Variants in LIPN observed in about 807,000 individuals in gnomAD.
The protein encoded by LIPN is lipase family member N, also known as lipase member N.
In LIPN, 32 loss-of-function variants were observed where a neutral mutation model predicts 43.7. The ratio of observed to expected loss-of-function variants is 0.73; its 90% confidence interval spans 0.55 to 0.98. LIPN has a LOEUF of 0.98. Ranked by LOEUF, LIPN falls within the 50% of genes least tolerant of loss-of-function variation. LIPN has a pLI of 0.00. For synonymous variants in LIPN, 156 were observed against 157.6 expected (o/e 0.99, Z 0.08); for missense variants, 505 against 483.8 (o/e 1.04, Z -0.41).
chr10:88,768,596 T>C (rs897735149), intron 5 of LIPN, among the ~76,000 whole-genome samples, 196 bp from the exon 6 acceptor site: 2 of 151,728 alleles, frequency 1.3e-5, no homozygotes, highest in Admixed American at 1.3e-4. Flanking sequence ...ATAAATAGAA[T>C]AAAATAAAAT....
rs971009647 is a variant in LIPN at position 88,771,133 on chromosome 10, T to A, written c.819+142T>A. ...ACAGATTTTTTTTTGCTTTTAAAAA[T>A]GTTTATGGGTATATAATAGTTGTAC... On this transcript the variant is annotated intron_variant, in intron 7 of 9. Coordinates refer to ENST00000404459, the MANE Select transcript of LIPN (RefSeq NM_001102469.2). The A allele has an allele frequency of 7.9e-6, 5 of 629,128 alleles. No homozygotes were observed. The South Asian group carries it at 1.3e-4, about 17-fold the overall frequency. 39.0% of individuals were successfully genotyped at this position (629,128 alleles called of 1,614,324 possible). A position where few individuals can be genotyped will look rare whatever the true frequency, so the allele number is the denominator to read the frequency against.
At chr10:88,776,130 C>T (rs959321937) in intron 9 of LIPN, among the ~76,000 whole-genome samples, 2 of 151,728 alleles carry the variant, frequency 1.3e-5, no homozygotes, top group South Asian at 4.1e-4. Flanking sequence ...AAATATAGGA[C>T]GTTTATATCA....
upstream of LIPN, among the ~76,000 whole-genome samples, chr10:88,757,348 G>A (rs1842938472): frequency 6.6e-6 from 1 of 152,080 alleles, no homozygotes. Flanking sequence ...TCACAAACAC[G>A]GATGGTCCTG....
At chr10:88,776,415 A>T (rs1843297153) in intron 9 of LIPN, among the ~76,000 whole-genome samples, 1 of 152,104 alleles carries the variant, frequency 6.6e-6, no homozygotes, top group Non-Finnish European at 1.5e-5. Flanking sequence ...ATCAACACGC[A>T]CATTCAAGAT....
chr10:88,768,107 T>C (rs1843142109), intron 5 of LIPN, among the ~76,000 whole-genome samples: 1 of 151,242 alleles, frequency 6.6e-6, no homozygotes, highest in Non-Finnish European at 1.5e-5. Context: ...CCAAATTATA[T>C]GGATATTCTC....
chr10:88,766,131 A>C lies in LIPN; in HGVS notation c.426-138A>C, dbSNP rs1590175914. 1.3e-5 allele frequency: 8 copies of C among 604,220 alleles called. No homozygotes were observed. In the East Asian group the frequency reaches 2.0e-4, roughly 15 times the overall value. The allele number at this position is 604,220 out of a possible 1,614,324, so 37.4% of individuals were successfully genotyped here. A position where few individuals can be genotyped will look rare whatever the true frequency, so the allele number is the denominator to read the frequency against. The stretch of plus-strand genomic sequence containing the variant: ...CAAAAAGCTACAATAGCCTACATAT[A>C]ATTGGATAAATAATGAAATACACAT... On this transcript the variant is annotated intron_variant, in intron 4 of 9. Coordinates refer to ENST00000404459, the MANE Select transcript of LIPN (RefSeq NM_001102469.2).
chr10:88,771,337 A>T (rs1843205403), intron 7 of LIPN, among the ~76,000 whole-genome samples: 2 of 151,696 alleles, frequency 1.3e-5, no homozygotes, highest in South Asian at 4.1e-4. Flanking sequence ...TAGTCATCCT[A>T]TTGTGCATGC....
chr10:88,763,517 G>A (rs944973934), intron 3 of LIPN, among the ~76,000 whole-genome samples: 3 of 152,144 alleles, frequency 2.0e-5, no homozygotes, highest in South Asian at 2.1e-4. Context: ...TCAACAATAT[G>A]AGATGGGTAC....
At position 88,768,808 on chromosome 10, in the gene LIPN, C is replaced by T. The variant is rs1843155005; in HGVS notation, c.552C>T (p.Ser184=). ...TTCTCTCAGGGTTTGTAGCCTTTTCCACCATGCCTGAACTGGCACAAAGAA... is the reference window on the plus strand; with the variant it reads ...TTCTCTCAGGGTTTGTAGCCTTTTCTACCATGCCTGAACTGGCACAAAGAA... The part of the protein sequence containing the change: ...LGTTIGFVAF[S]TMPELAQRIK... Residue 184 remains serine (S), a synonymous_variant, in exon 6 of 10, where the codon TCC becomes TCT. Transcript: ENST00000404459. The T allele has an allele frequency of 1.2e-6, 2 of 1,611,054 alleles. No homozygotes were observed. The highest frequency in any genetic ancestry group is 1.7e-6 in the Non-Finnish European group (2 of 1,178,260).
chr10:88,758,272 G>A (rs1842951010), upstream of LIPN, among the ~76,000 whole-genome samples: 1 of 151,400 alleles, frequency 6.6e-6, no homozygotes, highest in African/African-American at 2.4e-5. Context: ...GTTAGCTTAG[G>A]CCGTAATATG....
At chr10:88,771,394 C>T (rs566889996) in intron 7 of LIPN, among the ~76,000 whole-genome samples, 23 of 151,898 alleles carry the variant, frequency 1.5e-4, no homozygotes, top group African/African-American at 4.8e-4. Flanking sequence ...TTAACCAATG[C>T]CTCTTTATCC....
In LIPN at chr10:88,762,189, G is replaced by A. The variant is rs111790732; in HGVS notation, c.110G>A (p.Ser37Asn). The change falls in exon 3 of 10, where the codon AGT becomes AAT. Residue 37 changes from serine to asparagine, a missense_variant and splice_region_variant. By Grantham distance (46) the Ser-to-Asn change is conservative. Coordinates refer to ENST00000404459, the MANE Select transcript of LIPN (RefSeq NM_001102469.2). ...AACGACTGTATTTTTACTGGGCAGA[G>A]TGAAATCATCATCTACAATGGCTAC... ...EVNPEVWMNT[S>N]EIIIYNGYPS... The A allele has an allele frequency of 1.0e-4, 159 of 1,546,824 alleles. 11 individuals are homozygous for A. The African/African-American group carries it at 1.2e-3, about 12-fold the overall frequency.
At chr10:88,757,906 C>T (rs953530075), upstream of LIPN, among the ~76,000 whole-genome samples, 1 of 151,940 alleles carries the variant, frequency 6.6e-6, no homozygotes, top group Non-Finnish European at 1.5e-5. Flanking sequence ...AGACAAAATC[C>T]AGGTTCTTGT....
intron 4 of LIPN, among the ~76,000 whole-genome samples, chr10:88,765,431 C>A (rs1350833002): frequency 6.6e-6 from 1 of 151,832 alleles, no homozygotes; most frequent in South Asian, 2.1e-4. Flanking sequence ...AGTTCTTGGG[C>A]AGGGGCAAGC....
At position 88,770,930 on chromosome 10, in the gene LIPN, G is replaced by T; in HGVS notation, c.758G>T (p.Trp253Leu). Reference sequence around the variant, plus strand: ...AAAATCTGCAACAATAAGATACTCTGGTTGATATGTAGCGAATTTATGTCC... The same window carrying T: ...AAAATCTGCAACAATAAGATACTCTTGTTGATATGTAGCGAATTTATGTCC... ...STKICNNKIL[W>L]LICSEFMSLW... Residue 253 changes from tryptophan to leucine, a missense_variant, in exon 7 of 10, where the codon TGG (tryptophan) becomes TTG (leucine). Transcript: ENST00000404459. The T allele has an allele frequency of 3.2e-6, 5 of 1,559,498 alleles. No individual in the cohort carries two copies. Among genetic ancestry groups the T allele is most frequent in the South Asian group, 1.2e-5 (1 of 84,616 alleles).
intron 8 of LIPN, 83 bp from the exon 9 acceptor site, chr10:88,775,009 C>T: frequency 1.2e-6 from 1 of 868,910 alleles, no homozygotes; most frequent in Admixed American, 2.3e-5. Flanking sequence ...TTCGTCCTAG[C>T]ATACAGCATT....
upstream of LIPN, among the ~76,000 whole-genome samples, chr10:88,758,409 C>T (rs547108234): frequency 6.7e-6 from 1 of 148,872 alleles, no homozygotes; most frequent in African/African-American, 2.5e-5. Flanking sequence ...AGAGTAGGGG[C>T]TACCATTTTG....
chr10:88,768,953 C>G, intron 6 of LIPN, 25 bp downstream of exon 6: 1 of 1,599,184 alleles, frequency 6.3e-7, no homozygotes, highest in African/African-American at 1.3e-5. Flanking sequence ...ACAAAATGTA[C>G]CTGAGGATCT....
intron 5 of LIPN, among the ~76,000 whole-genome samples, chr10:88,767,692 A>C (rs866243486): frequency 2.1e-4 from 25 of 120,250 alleles, no homozygotes; most frequent in Middle Eastern, 0.01. Context: ...AAAAAAAAAA[A>C]CCATGGAGAA....
Sources: allele counts gnomAD v4.1 joint callset (sites outside exome capture counted in the v4.1 genomes callset), GRCh38; gene constraint gnomAD v4.1.1; transcripts MANE v1.5; gene names NCBI Gene and HGNC (gene_info 2026-07-23, HGNC 2026-07-21).